RORA: variants seen among roughly 807,000 people sequenced by gnomAD.
RORA encodes RAR related orphan receptor A.
RORA carries 7 observed loss-of-function variants against 69.5 expected under a neutral mutation model. The observed-to-expected ratio is 0.10, with a 90% confidence interval of 0.06 to 0.19. The LOEUF (loss-of-function observed/expected upper bound fraction) is 0.19. Ranked by LOEUF, RORA falls within the 10% of genes least tolerant of loss-of-function variation. The pLI is 1.00. For missense variants in RORA, 457 were observed against 663.0 expected, an observed-to-expected ratio of 0.69 and a Z score of 3.41; for synonymous variants, 261 against 240.8, an observed-to-expected ratio of 1.08 and a Z score of -0.78.
At chr15:61,196,891 T>G (rs151199464) in intron 1 of RORA, among the ~76,000 whole-genome samples, 1 of 152,244 alleles carries the variant, frequency 6.6e-6, no homozygotes, top group African/African-American at 2.4e-5. Context: ...ATTAGCATGA[T>G]GTGAAAAGCA....
At chr15:60,860,847 T>G (rs2073429720) in intron 1 of RORA, among the ~76,000 whole-genome samples, 1 of 152,210 alleles carries the variant, frequency 6.6e-6, no homozygotes, top group African/African-American at 2.4e-5. Context: ...TCCTTTTATT[T>G]TCCCTCACTG....
At chr15:61,133,504 G>A (rs1004509236) in intron 1 of RORA, among the ~76,000 whole-genome samples, 13 of 152,180 alleles carry the variant, frequency 8.5e-5, no homozygotes, top group Non-Finnish European at 1.6e-4. Flanking sequence ...AAAGAAACCC[G>A]GAGAGTTGAG....
At chr15:60,644,573 A>G (rs760330892) in intron 2 of RORA, among the ~76,000 whole-genome samples, 3 of 152,274 alleles carry the variant, frequency 2.0e-5, no homozygotes, top group Admixed American at 6.5e-5. Flanking sequence ...ATGCAGAGAC[A>G]TGGTAAACTC....
chr15:60,765,856 G>A (rs960687121), intron 1 of RORA, among the ~76,000 whole-genome samples: 13 of 151,884 alleles, frequency 8.6e-5, no homozygotes, highest in East Asian at 1.9e-4. Flanking sequence ...GGTGTAACCC[G>A]CTCCCCCACC....
intron 1 of RORA, among the ~76,000 whole-genome samples, chr15:60,834,053 G>A (rs577462986): frequency 6.6e-6 from 1 of 152,312 alleles, no homozygotes; most frequent in Admixed American, 6.5e-5. Flanking sequence ...GCTTACCACA[G>A]TGCTGGGGAT....
chr15:60,585,736 G>T (rs1445460699), intron 2 of RORA, among the ~76,000 whole-genome samples: 1 of 152,080 alleles, frequency 6.6e-6, no homozygotes, highest in Non-Finnish European at 1.5e-5. Context: ...AAATAAATCA[G>T]CTTTAAGTTA....
At chr15:60,816,791 T>A (rs2072823766) in intron 1 of RORA, among the ~76,000 whole-genome samples, 1 of 151,838 alleles carries the variant, frequency 6.6e-6, no homozygotes, top group Non-Finnish European at 1.5e-5. Flanking sequence ...AGCTATCTTC[T>A]TGCATTTGGA....
chr15:60,750,121 G>A (rs1178903339), intron 1 of RORA, among the ~76,000 whole-genome samples: 2 of 152,170 alleles, frequency 1.3e-5, no homozygotes, highest in Non-Finnish European at 2.9e-5. Flanking sequence ...CATCCCTACA[G>A]ATGGATACTA....
chr15:61,082,955 A>G (rs1378895693), intron 1 of RORA, among the ~76,000 whole-genome samples: 1 of 152,166 alleles, frequency 6.6e-6, no homozygotes, highest in Non-Finnish European at 1.5e-5. Flanking sequence ...ATGACATACT[A>G]AAAAATAGAA....
chr15:60,691,418 A>G (rs1464822294), intron 1 of RORA, among the ~76,000 whole-genome samples: 2 of 152,230 alleles, frequency 1.3e-5, no homozygotes, highest in Non-Finnish European at 2.9e-5. Flanking sequence ...GGTGCCTGGC[A>G]TATAGATACT....
chr15:60,867,934 G>A (rs2073508508), intron 1 of RORA, among the ~76,000 whole-genome samples: 1 of 152,118 alleles, frequency 6.6e-6, no homozygotes, highest in South Asian at 2.1e-4. Context: ...TTTTTAATCT[G>A]GTCATGATAG....
intron 1 of RORA, among the ~76,000 whole-genome samples, chr15:61,049,143 C>G (rs1342269745): frequency 1.3e-5 from 2 of 152,146 alleles, no homozygotes; most frequent in Admixed American, 6.6e-5. Flanking sequence ...GTTCTCCTGC[C>G]ACAATTCTCT....
At chr15:61,124,225 C>A (rs1330289882) in intron 1 of RORA, among the ~76,000 whole-genome samples, 1 of 152,216 alleles carries the variant, frequency 6.6e-6, no homozygotes, top group Non-Finnish European at 1.5e-5. Flanking sequence ...CTTATCGGGG[C>A]TCAGGGATAA....
intron 1 of RORA, among the ~76,000 whole-genome samples, chr15:60,883,915 T>C (rs994326614): frequency 4.6e-5 from 7 of 152,332 alleles, no homozygotes; most frequent in African/African-American, 7.2e-5. Flanking sequence ...ATTTAGCCAA[T>C]TGACGGCCAG....
At chr15:61,044,128 A>G (rs1458205362) in intron 1 of RORA, among the ~76,000 whole-genome samples, 1 of 152,086 alleles carries the variant, frequency 6.6e-6, no homozygotes, top group Non-Finnish European at 1.5e-5. Context: ...AATCTGGCCT[A>G]CCCCAAAGCA....
intron 2 of RORA, among the ~76,000 whole-genome samples, chr15:60,538,123 G>A (rs968596221): frequency 1.1e-4 from 17 of 152,142 alleles, no homozygotes; most frequent in African/African-American, 3.9e-4. Flanking sequence ...CCACAAGAAA[G>A]AGAGACTTGG....
chr15:60,597,595 C>CACATATATATATATATATATAT (rs2068716341), intron 2 of RORA, among the ~76,000 whole-genome samples: 3 of 30,390 alleles, frequency 9.9e-5, no homozygotes, highest in Admixed American at 4.9e-4. Flanking sequence ...TATATATATA[C>CACATATATATATATATATATAT]ACATATATAT....
chr15:60,680,149 C>T (rs1307820959), intron 1 of RORA, among the ~76,000 whole-genome samples: 1 of 152,280 alleles, frequency 6.6e-6, no homozygotes, highest in Admixed American at 6.5e-5. Context: ...GCTCATGACA[C>T]CAGCACCAAT....
intron 2 of RORA, among the ~76,000 whole-genome samples, chr15:60,618,109 T>C (rs900613416): frequency 3.3e-5 from 5 of 152,246 alleles, no homozygotes; most frequent in African/African-American, 9.6e-5. Flanking sequence ...TTAATAGTTA[T>C]CCATATCTTT....
Sources: gnomAD v4.1 joint callset for allele counts (sites outside exome capture counted in the v4.1 genomes callset) on GRCh38, gnomAD v4.1.1 for gene constraint, MANE v1.5 for transcripts, NCBI Gene and HGNC (gene_info 2026-07-23, HGNC 2026-07-21) for gene names.